Variants in PDCD5 observed in about 807,000 individuals in gnomAD.
PDCD5 encodes programmed cell death 5.
A neutral mutation model predicts 21.9 loss-of-function variants in PDCD5; 23 were observed. The ratio of observed to expected loss-of-function variants is 1.05; its 90% CI spans 0.76 to 1.49. The LOEUF is 1.49. Among genes scored for constraint, PDCD5 ranks in the 40% most tolerant of loss-of-function variants. The pLI is 0.00. For synonymous variants in PDCD5, 45 were observed against 49.4 expected (o/e 0.91, Z 0.37); for missense variants, 152 against 147.7 (o/e 1.03, Z -0.15).
intron 4 of PDCD5, chr19:32,586,113 T>C (rs560660528): frequency 6.6e-7 from 1 of 1,519,904 alleles, no homozygotes; most frequent in African/African-American, 1.4e-5. Context: ...GGCGTTGCTC[T>C]GGAACCTTGT....
chr19:32,586,266 C>G, intron 4 of PDCD5: 1 of 1,418,668 alleles, frequency 7.0e-7, no homozygotes, highest in Non-Finnish European at 9.2e-7. Context: ...TGCTAAGATG[C>G]CTTGCTTATG....
At chr19:32,582,334 T>G in intron 2 of PDCD5, 102 bp downstream of exon 2, 3 of 1,063,272 alleles carry the variant, frequency 2.8e-6, no homozygotes, top group Non-Finnish European at 4.3e-6. Context: ...TTTTTTTGTT[T>G]TGCTGGAATG....
At chr19:32,586,093 C>G in intron 4 of PDCD5, 186 bp downstream of exon 4, 1 of 1,537,702 alleles carries the variant, frequency 6.5e-7, no homozygotes, top group Admixed American at 2.0e-5. Context: ...CTCTGCTTCG[C>G]TCCTTTCCTG....
rs1488986000 is a variant in PDCD5 at position 32,587,383 on chromosome 19, C to T, written c.*83C>T. On this transcript the variant is annotated 3_prime_UTR_variant, in exon 6 of 6. Transcript: ENST00000590247. ...TCTGATTATTTACTTTGTTTATTGTCTATATGCCTTTTAAAAAAATAAACT... is the reference window on the plus strand; with the variant it reads ...TCTGATTATTTACTTTGTTTATTGTTTATATGCCTTTTAAAAAAATAAACT... 4 of 860,150 alleles carry T rather than the reference C, an allele frequency of 4.7e-6. No homozygotes were observed. Among genetic ancestry groups the T allele is most frequent in the Non-Finnish European group, 7.2e-6 (4 of 556,208 alleles). 53.3% of individuals were successfully genotyped at this position (860,150 alleles called of 1,614,324 possible).
In PDCD5 at chr19:32,585,869, C is replaced by A. The variant is rs1247536585; in HGVS notation, c.220C>A (p.Leu74Ile). ...AAAAACTAAAGCAGTAGAGAATTAC[C>A]TTATACAGATGGCAAGATATGGACA... Reference protein sequence around the residue: ...PEKTKAVENYLIQMARYGQLS... With the variant: ...PEKTKAVENYIIQMARYGQLS... Residue 74 changes from leucine (L) to isoleucine (I), a missense_variant, in exon 4 of 6, where the codon CTT becomes ATT. Leu to Ile is a conservative substitution (Grantham distance 5, BLOSUM62 2). Coordinates refer to ENST00000590247, the MANE Select transcript of PDCD5 (RefSeq NM_004708.4). The A allele has an allele frequency of 6.2e-7, 1 of 1,611,856 alleles. No homozygotes were observed. The highest frequency in any genetic ancestry group is 1.3e-5 in the African/African-American group (1 of 74,844).
At position 32,584,739 on chromosome 19, in the gene PDCD5, T is replaced by C. The variant is rs969213158; in HGVS notation, c.105-211T>C. ...GCTCACCTTCCAGCCTGGTAGGTTG[T>C]CACCTGTGTAATATAAAGCTGGTTC... is the stretch of plus-strand genomic sequence containing the variant. On this transcript the variant is annotated intron_variant, in intron 2 of 5. Coordinates refer to ENST00000590247, the MANE Select transcript of PDCD5 (RefSeq NM_004708.4). The C allele has an allele frequency of 7.1e-6, 4 of 561,128 alleles. No homozygotes were observed. In the African/African-American group the frequency reaches 7.6e-5, roughly 11 times the overall value. The allele number at this position is 561,128 out of a possible 1,614,324, so 34.8% of individuals were successfully genotyped here. A position where few individuals can be genotyped will look rare whatever the true frequency, so the allele number is the denominator to read the frequency against.
chr19:32,581,203 G>A lies in PDCD5; in HGVS notation c.-59G>A. On this transcript the variant is annotated 5_prime_UTR_variant, in exon 1 of 6. Coordinates refer to ENST00000590247, the MANE Select transcript of PDCD5 (RefSeq NM_004708.4). ...GAGCGCCTGCGCAGTGGTCAAGGCC[G>A]CGCTCGCGCCGAGGGGCTGCGAGAG... The A allele has an allele frequency of 2.3e-6, 3 of 1,304,444 alleles. No homozygotes were observed. The highest frequency in any genetic ancestry group is 1.0e-6 in the Non-Finnish European group (1 of 978,874). The allele number at this position is 1,304,444 out of a possible 1,614,324, so 80.8% of individuals were successfully genotyped here. A position where few individuals can be genotyped will look rare whatever the true frequency, so the allele number is the denominator to read the frequency against.
Position 32,586,215 on chromosome 19 carries a change from C to T in PDCD5, c.258+308C>T, listed in dbSNP as rs58173254. Reference sequence around the variant, plus strand: ...TTTGTCAGTAACACCAATTAAAATACTACCAGTGTAAGTAGAAGGTGTGTT... The same window carrying T: ...TTTGTCAGTAACACCAATTAAAATATTACCAGTGTAAGTAGAAGGTGTGTT... On this transcript the variant is annotated intron_variant, in intron 4 of 5. Transcript: ENST00000590247. 5,744 of 1,442,720 alleles carry T rather than the reference C, an allele frequency of 4.0e-3. 123 individuals carry two copies. The East Asian group carries it at 0.063, about 16-fold the overall frequency. The allele number at this position is 1,442,720 out of a possible 1,614,324, so 89.4% of individuals were successfully genotyped here.
rs774797370 is a variant in PDCD5, at chr19:32,586,907, C to T, written c.308C>T (p.Thr103Ile). ...IEILKKVSQQTEKTTTVKFNR... is the reference protein window; with the variant it reads ...IEILKKVSQQIEKTTTVKFNR... ...ATCCTTAAAAAAGTAAGCCAACAAACAGAAAAGACAACAACAGTGAAAGTA... is the reference window on the plus strand; with the variant it reads ...ATCCTTAAAAAAGTAAGCCAACAAATAGAAAAGACAACAACAGTGAAAGTA... Residue 103 changes from threonine (T) to isoleucine (I), a missense_variant, in exon 5 of 6, where the codon ACA becomes ATA. Coordinates refer to ENST00000590247, the MANE Select transcript of PDCD5 (RefSeq NM_004708.4). 1.9e-6 allele frequency: 3 copies of T among 1,611,970 alleles called. No homozygotes were observed. Among genetic ancestry groups the T allele is most frequent in the Non-Finnish European group, 2.5e-6 (3 of 1,178,958 alleles).
At chr19:32,586,572 C>G (rs1971478786) in intron 4 of PDCD5, 1 of 1,158,432 alleles carries the variant, frequency 8.6e-7, no homozygotes, top group African/African-American at 1.6e-5. Context: ...TCACACTCAG[C>G]TAGTGATGAT....
At chr19:32,584,913 G>A (rs1568387932) in intron 2 of PDCD5, 37 bp from the exon 3 acceptor site, 2 of 1,544,058 alleles carry the variant, frequency 1.3e-6, no homozygotes, top group South Asian at 2.2e-5. Context: ...GCCGACAGCT[G>A]TGTTTTAATT....
intron 2 of PDCD5, among the ~76,000 whole-genome samples, chr19:32,583,429 A>G (rs1000396744): frequency 6.7e-6 from 1 of 150,250 alleles, no homozygotes; most frequent in African/African-American, 2.4e-5. Context: ...ACAGGCGTGC[A>G]CCACCATGCC....
intron 4 of PDCD5, 151 bp from the exon 5 acceptor site, chr19:32,586,706 AT>A: frequency 1.5e-6 from 2 of 1,362,930 alleles, no homozygotes; most frequent in East Asian, 2.8e-5. Flanking sequence ...ACCAATAGTT[AT>A]AACCAATAGT....
chr19:32,584,401 A>G (rs957984916), intron 2 of PDCD5, among the ~76,000 whole-genome samples: 2 of 152,218 alleles, frequency 1.3e-5, no homozygotes, highest in African/African-American at 4.8e-5. Flanking sequence ...ACTACTTTCT[A>G]TTTGGGTAGG....
chr19:32,586,759 TC>T, intron 4 of PDCD5, 98 bp from the exon 5 acceptor site: 3 of 1,463,300 alleles, frequency 2.1e-6, no homozygotes, highest in Non-Finnish European at 2.7e-6. Flanking sequence ...CTGAGCTCTT[TC>T]CCCACACCTC....
At chr19:32,585,619 C>T (rs1355286359) in intron 3 of PDCD5, among the ~76,000 whole-genome samples, 197 bp from the exon 4 acceptor site, 2 of 151,612 alleles carry the variant, frequency 1.3e-5, no homozygotes, top group East Asian at 1.9e-4. Flanking sequence ...GGGCCACTAC[C>T]CCCATGTGCC....
chr19:32,586,387 C>T (rs1469198484), intron 4 of PDCD5: 3 of 1,201,158 alleles, frequency 2.5e-6, no homozygotes, highest in Non-Finnish European at 2.1e-6. Context: ...CCACAGCCTA[C>T]CCGAATTGGT....
At chr19:32,582,890 A>G (rs1367172826) in intron 2 of PDCD5, among the ~76,000 whole-genome samples, 2 of 152,108 alleles carry the variant, frequency 1.3e-5, no homozygotes, top group Non-Finnish European at 2.9e-5. Context: ...TGGGTCAGGC[A>G]CTGTGCTGGG....
chr19:32,582,777 C>T (rs1244940997), intron 2 of PDCD5, among the ~76,000 whole-genome samples: 1 of 152,180 alleles, frequency 6.6e-6, no homozygotes, highest in Non-Finnish European at 1.5e-5. Flanking sequence ...AGAATGTTTT[C>T]ATCTTGCAAG....
Sources: gnomAD v4.1 joint callset for allele counts (sites outside exome capture counted in the v4.1 genomes callset) on GRCh38, gnomAD v4.1.1 for gene constraint, MANE v1.5 for transcripts, NCBI Gene and HGNC (gene_info 2026-07-23, HGNC 2026-07-21) for gene names.